The following GBE1 variants were observed in gnomAD, a reference collection of about 807,000 sequenced individuals.
GBE1 encodes 1,4-alpha-glucan branching enzyme 1.
Under a neutral mutation model 88.8 loss-of-function variants are expected in GBE1, and 70 were observed. That is an observed-to-expected ratio of 0.79 (90% CI 0.65 to 0.96). The LOEUF (loss-of-function observed/expected upper bound fraction) is 0.96. GBE1 is among the 40% of genes least tolerant of loss of function. GBE1 has a pLI of 0.00. For synonymous variants in GBE1, 284 were observed against 300.1 expected, an observed-to-expected ratio of 0.95 and a Z score of 0.56; for missense variants, 872 against 871.0, an observed-to-expected ratio of 1.00 and a Z score of -0.01.
Position 81,593,992 on chromosome 3 carries a change from T to G in GBE1, c.1024A>C (p.Ile342Leu), listed in dbSNP as rs1186989816. ...WEILRFLLSN[I>L]RWWLEEYRFD... is the part of the protein sequence containing the mutation. ...CGATATTCTTCCAACCACCATCTTA[T>G]GTTTGACAGAAGGAATCTTAAAATT... Residue 342 changes from isoleucine (I) to leucine (L), a missense_variant, in exon 8 of 16, where the codon ATA becomes CTA. By Grantham distance (5) the Ile-to-Leu change is conservative. Transcript: ENST00000429644. 6.3e-7 allele frequency: 1 copy of G among 1,576,760 alleles called. No homozygotes were observed.
chr3:81,626,601 G>A (rs993868406), intron 7 of GBE1, among the ~76,000 whole-genome samples: 8 of 152,002 alleles, frequency 5.3e-5, no homozygotes, highest in Non-Finnish European at 1.2e-4. Context: ...TCCAGGCAAA[G>A]ATAAAAGCAT....
chr3:81,581,087 T>G (rs1190557580), intron 11 of GBE1, 78 bp downstream of exon 11: 2 of 804,330 alleles, frequency 2.5e-6, no homozygotes, highest in African/African-American at 3.5e-5. Flanking sequence ...ATGTTTATAT[T>G]TAAATATGTT....
At chr3:81,728,253 A>T (rs2107200318) in intron 1 of GBE1, among the ~76,000 whole-genome samples, 1 of 152,310 alleles carries the variant, frequency 6.6e-6, no homozygotes, top group East Asian at 1.9e-4. Flanking sequence ...AAAGATAAGT[A>T]AATGTATTGA....
intron 7 of GBE1, among the ~76,000 whole-genome samples, chr3:81,633,957 G>T (rs142901028): frequency 6.6e-6 from 1 of 152,254 alleles, no homozygotes; most frequent in Non-Finnish European, 1.5e-5. Context: ...AACATAGGGA[G>T]GTTTCATATA....
chr3:81,514,394 A>C (rs1389043409), intron 14 of GBE1, among the ~76,000 whole-genome samples: 1 of 151,688 alleles, frequency 6.6e-6, no homozygotes, highest in Non-Finnish European at 1.5e-5. Flanking sequence ...TTATCTAAAC[A>C]CTTTCCTTAT....
chr3:81,516,629 T>C (rs1702801647), intron 14 of GBE1, among the ~76,000 whole-genome samples: 1 of 151,574 alleles, frequency 6.6e-6, no homozygotes, highest in Non-Finnish European at 1.5e-5. Context: ...ATTCCTCTAA[T>C]GAATCTCGGC....
At chr3:81,645,590 T>A (rs181435335) in intron 6 of GBE1, among the ~76,000 whole-genome samples, 8 of 152,288 alleles carry the variant, frequency 5.3e-5, no homozygotes, top group African/African-American at 1.7e-4. Context: ...GAGGGAGAAC[T>A]AATATAAAGA....
rs571028865 is a variant in GBE1, at chr3:81,702,102, A to AGTGT, written c.313+3338_313+3341dup. On this transcript the variant is annotated intron_variant, in intron 2 of 15. Transcript: ENST00000429644. ...TCCCTGGAGAGAGAGAGAGAGAGAGAGTGTGTGTGTGTGTGTGTGTGTGTG... is the reference window on the plus strand; with the variant it reads ...TCCCTGGAGAGAGAGAGAGAGAGAGAGTGTGTGTGTGTGTGTGTGTGTGTGTGTG... Among the ~76,000 whole-genome samples, 11 of 115,472 alleles carry AGTGT rather than the reference A, an allele frequency of 9.5e-5. No homozygotes were observed. In the South Asian group the frequency reaches 1.0e-3, roughly 11 times the overall value. The allele number at this position is 115,472 out of a possible 152,430, so 75.8% of individuals were successfully genotyped here. A position where few individuals can be genotyped will look rare whatever the true frequency, so the allele number is the denominator to read the frequency against.
rs561094199 is a variant in GBE1 at position 81,595,502 on chromosome 3, T to C, written c.993-1479A>G. Among the ~76,000 whole-genome samples the C allele has an allele frequency of 4.6e-5, 7 of 152,032 alleles. No individual in the cohort carries two copies. In the South Asian group the frequency reaches 1.4e-3, roughly 31 times the overall value. ...TCGATATTTTGTAACAAGTTTGCTATATGAGAATTTCAGAAAGAAGACTTG... is the reference window on the plus strand; with the variant it reads ...TCGATATTTTGTAACAAGTTTGCTACATGAGAATTTCAGAAAGAAGACTTG... On this transcript the variant is annotated intron_variant, in intron 7 of 15. Coordinates refer to ENST00000429644, the MANE Select transcript of GBE1 (RefSeq NM_000158.4).
intron 2 of GBE1, among the ~76,000 whole-genome samples, chr3:81,702,419 G>T (rs1048073651): frequency 4.6e-5 from 7 of 151,780 alleles, no homozygotes; most frequent in Non-Finnish European, 7.4e-5. Context: ...TATAACTTTG[G>T]ACATAAAAAA....
At chr3:81,665,501 A>G (rs535326441) in intron 3 of GBE1, among the ~76,000 whole-genome samples, 13 of 149,334 alleles carry the variant, frequency 8.7e-5, no homozygotes, top group Admixed American at 4.1e-4. Flanking sequence ...GCGCCACTGC[A>G]CTCCAGCCTG....
rs148311160 is a variant in GBE1 at position 81,634,225 on chromosome 3, T to C, written c.992+8556A>G. ...AAACTTTCCATGATATTCTATATTC[T>C]AGTTGTTGCACATTTTCAATCGTAT... is the stretch of plus-strand genomic sequence containing the variant. On this transcript the variant is annotated intron_variant, in intron 7 of 15. Transcript: ENST00000429644. Among the ~76,000 whole-genome samples the C allele has an allele frequency of 1.4e-3, 218 of 152,226 alleles. 1 individual carries two copies. The highest frequency in any genetic ancestry group is 1.5e-3 in the Non-Finnish European group (102 of 68,048).
intron 7 of GBE1, among the ~76,000 whole-genome samples, chr3:81,635,083 C>T (rs1001464283): frequency 1.6e-4 from 24 of 152,204 alleles, no homozygotes; most frequent in African/African-American, 5.5e-4. Flanking sequence ...TGTTTCCTAA[C>T]GTGCTATGAG....
chr3:81,626,100 T>C (rs528373539), intron 7 of GBE1, among the ~76,000 whole-genome samples: 67 of 152,264 alleles, frequency 4.4e-4, no homozygotes, highest in African/African-American at 1.6e-3. Flanking sequence ...AACAAAACAA[T>C]GCCGGCACTG....
At chr3:81,745,478 A>T (rs979152279) in intron 1 of GBE1, among the ~76,000 whole-genome samples, 3 of 152,074 alleles carry the variant, frequency 2.0e-5, no homozygotes, top group Non-Finnish European at 4.4e-5. Flanking sequence ...ACTTCTTAGG[A>T]AGGCAGACTC....
rs569955830 is a variant in GBE1, at chr3:81,733,903, G to A, written c.143+27472C>T. Among the ~76,000 whole-genome samples the A allele has an allele frequency of 6.6e-6, 1 of 152,214 alleles. No individual in the cohort carries two copies. Among genetic ancestry groups the A allele is most frequent in the African/African-American group, 2.4e-5 (1 of 41,542 alleles). Reference sequence around the variant, plus strand: ...TAAATACTCAATAAATTGCTGGCATGGATTCTGTTTCTACACTTGAACAAA... The same window carrying A: ...TAAATACTCAATAAATTGCTGGCATAGATTCTGTTTCTACACTTGAACAAA... On this transcript the variant is annotated intron_variant, in intron 1 of 15. Transcript: ENST00000429644. The surrounding 1 kb of genome is among the most constrained non-coding windows in gnomAD (Gnocchi z 4.0).
chr3:81,581,240 C>G lies in GBE1; in HGVS notation c.1371G>C (p.Met457Ile). The change falls in exon 11 of 16, where the codon ATG becomes ATC. Residue 457 changes from methionine (M) to isoleucine (I), a missense_variant. Met to Ile is a conservative substitution (Grantham distance 10). Transcript: ENST00000429644. Reference sequence around the variant, plus strand: ...TTGTGAGCGTGTATACTATATCGCCCATGTTCCAGTCTTCATCTTTAAACT... The same window carrying G: ...TTGTGAGCGTGTATACTATATCGCCGATGTTCCAGTCTTCATCTTTAAACT... ...LKEFKDEDWN[M>I]GDIVYTLTNR... 1 of 1,601,110 alleles carries G rather than the reference C, an allele frequency of 6.2e-7. No individual in the cohort carries two copies. Among genetic ancestry groups the G allele is most frequent in the Non-Finnish European group, 8.5e-7 (1 of 1,175,050 alleles).
chr3:81,750,550 T>TGTATATATATATGTATATATATATAC (rs1340025860), intron 1 of GBE1, among the ~76,000 whole-genome samples: 2 of 82,890 alleles, frequency 2.4e-5, no homozygotes, highest in Non-Finnish European at 4.1e-5. Flanking sequence ...TATATATATA[T>TGTATATATATATGTATATATATATAC]GTATATATAT....
At chr3:81,512,696 T>C (rs1702741258) in intron 14 of GBE1, among the ~76,000 whole-genome samples, 1 of 151,858 alleles carries the variant, frequency 6.6e-6, no homozygotes. Flanking sequence ...CTTGTGAAAA[T>C]TATAAATCTT....
Sources: allele counts gnomAD v4.1 joint callset (sites outside exome capture counted in the v4.1 genomes callset), GRCh38; gene constraint gnomAD v4.1.1; non-coding constraint Gnocchi (gnomAD v3.1); transcripts MANE v1.5; gene names NCBI Gene and HGNC (gene_info 2026-07-23, HGNC 2026-07-21).